The following ZDHHC17 variants were observed in gnomAD, a reference collection of about 807,000 sequenced individuals.
ZDHHC17 encodes palmitoyltransferase ZDHHC17.
Under a neutral mutation model 90.3 loss-of-function variants are expected in ZDHHC17, and 40 were observed. The observed-to-expected ratio is 0.44, with a 90% CI of 0.34 to 0.58. The LOEUF (loss-of-function observed/expected upper bound fraction) is 0.58, where lower values mean the gene tolerates loss of function less well. Among genes scored for constraint, ZDHHC17 ranks in the 20% least tolerant of loss-of-function variants. ZDHHC17 has a pLI of 0.01. For missense variants in ZDHHC17, 614 were observed against 780.8 expected, an observed-to-expected ratio of 0.79 and a Z score of 2.55; for synonymous variants, 235 against 252.4, an observed-to-expected ratio of 0.93 and a Z score of 0.65.
chr12:76,774,085 C>CA (rs1182454913), intron 1 of ZDHHC17, among the ~76,000 whole-genome samples: 2 of 151,634 alleles, frequency 1.3e-5, no homozygotes, highest in South Asian at 2.1e-4. Context: ...CCTGTCTCTA[C>CA]AAAAAAATAA....
At chr12:76,842,802 AACTC>A (rs1953451471) in intron 11 of ZDHHC17, 113 bp from the exon 12 acceptor site, 2 of 699,394 alleles carry the variant, frequency 2.9e-6, no homozygotes, top group Admixed American at 6.1e-5. Flanking sequence ...TCTCTTTTTG[AACTC>A]AAAACATCAG....
chr12:76,780,836 G>A (rs1031353241), intron 1 of ZDHHC17, among the ~76,000 whole-genome samples: 1 of 152,032 alleles, frequency 6.6e-6, no homozygotes, highest in African/African-American at 2.4e-5. Context: ...TAAGAAGTCC[G>A]ATAGGCCGGG....
chr12:76,815,684 A>G (rs1953078462), intron 6 of ZDHHC17, among the ~76,000 whole-genome samples, 173 bp from the exon 7 acceptor site: 1 of 151,950 alleles, frequency 6.6e-6, no homozygotes, highest in African/African-American at 2.4e-5. Flanking sequence ...TACATACTTA[A>G]TACTTCATAT....
Position 76,809,128 on chromosome 12 carries a change from T to C in ZDHHC17, c.398+8T>C, listed in dbSNP as rs771043641. The C allele has an allele frequency of 6.5e-7, 1 of 1,527,014 alleles. No individual in the cohort carries two copies. Among genetic ancestry groups the C allele is most frequent in the East Asian group, 2.4e-5 (1 of 40,854 alleles). The allele number at this position is 1,527,014 out of a possible 1,614,324, so 94.6% of individuals were successfully genotyped here. A position where few individuals can be genotyped will look rare whatever the true frequency, so the allele number is the denominator to read the frequency against. ...ATTGCACTGGGCCACAAGGTTTAAA[T>C]TTGCTTCTGGATTTTTTTCCTTTGG... On this transcript the variant is annotated splice_region_variant and intron_variant, in intron 4 of 16. Transcript: ENST00000426126.
At chr12:76,825,820 G>A (rs961038419) in intron 8 of ZDHHC17, among the ~76,000 whole-genome samples, 1 of 152,088 alleles carries the variant, frequency 6.6e-6, no homozygotes, top group Non-Finnish European at 1.5e-5. Flanking sequence ...TTAGACCACA[G>A]CTGGGGTTTT....
chr12:76,792,258 A>G (rs1214768164), intron 1 of ZDHHC17, among the ~76,000 whole-genome samples: 2 of 152,234 alleles, frequency 1.3e-5, no homozygotes, highest in African/African-American at 4.8e-5. Context: ...CCTATCACTC[A>G]GAAATTTTAA....
chr12:76,772,759 A>G (rs1363551419), intron 1 of ZDHHC17, among the ~76,000 whole-genome samples: 2 of 142,892 alleles, frequency 1.4e-5, no homozygotes, highest in African/African-American at 5.3e-5. Flanking sequence ...GTTACCCAGG[A>G]TGGTCTCAAT....
chr12:76,775,160 C>T (rs939330486), intron 1 of ZDHHC17, among the ~76,000 whole-genome samples: 18 of 152,284 alleles, frequency 1.2e-4, no homozygotes, highest in Non-Finnish European at 1.2e-4. Context: ...CTGCTGCCCC[C>T]ATTTCATTAG....
chr12:76,819,578 T>C (rs1953134865), intron 7 of ZDHHC17, among the ~76,000 whole-genome samples: 1 of 152,260 alleles, frequency 6.6e-6, no homozygotes, highest in African/African-American at 2.4e-5. Context: ...TATGATTAAG[T>C]GTCTTAGAAA....
At chr12:76,827,388 T>C (rs1953242803) in intron 9 of ZDHHC17, among the ~76,000 whole-genome samples, 1 of 152,172 alleles carries the variant, frequency 6.6e-6, no homozygotes, top group Non-Finnish European at 1.5e-5. Context: ...CTCGCCTTTC[T>C]ATAGGAATTA....
At chr12:76,788,275 A>G (rs1952715219) in intron 1 of ZDHHC17, among the ~76,000 whole-genome samples, 1 of 152,202 alleles carries the variant, frequency 6.6e-6, no homozygotes, top group Non-Finnish European at 1.5e-5. Flanking sequence ...TTCATATTCC[A>G]TTGGTTAAGA....
At chr12:76,764,399 G>T in intron 1 of ZDHHC17, 70 bp downstream of exon 1, 1 of 1,449,976 alleles carries the variant, frequency 6.9e-7, no homozygotes. Context: ...ACTCGCCGAG[G>T]GCGGCGGCCG....
chr12:76,783,220 G>A (rs1021721711), intron 1 of ZDHHC17, among the ~76,000 whole-genome samples: 2 of 152,210 alleles, frequency 1.3e-5, no homozygotes, highest in African/African-American at 4.8e-5. Context: ...CAAAACTCCA[G>A]TCATGTGTAT....
chr12:76,788,688 A>ATATTTTTTTTTTTTTTTT (rs61663401), intron 1 of ZDHHC17, among the ~76,000 whole-genome samples: 1,265 of 98,556 alleles, frequency 0.013, 295 homozygotes, highest in Admixed American at 0.022. Context: ...TGGAATCGCA[A>ATATTTTTTTTTTTTTTTT]TTTTTTTTTT....
chr12:76,804,380 A>G (rs1181101252), intron 2 of ZDHHC17, among the ~76,000 whole-genome samples: 2 of 152,264 alleles, frequency 1.3e-5, no homozygotes, highest in Non-Finnish European at 2.9e-5. Context: ...TGACTTCTAG[A>G]GTGATTCAAG....
At chr12:76,764,430 C>T (rs911715989) in intron 1 of ZDHHC17, 101 bp downstream of exon 1, 64 of 1,153,020 alleles carry the variant, frequency 5.6e-5, no homozygotes, top group Non-Finnish European at 7.5e-5. Flanking sequence ...GGTAGTGGGA[C>T]GTGCCGAAGT....
intron 7 of ZDHHC17, among the ~76,000 whole-genome samples, chr12:76,817,441 AT>A (rs1395355419): frequency 3.0e-5 from 4 of 134,010 alleles, no homozygotes; most frequent in African/African-American, 8.3e-5. Flanking sequence ...AACAGGATTA[AT>A]TTTAGTTTGG....
intron 1 of ZDHHC17, among the ~76,000 whole-genome samples, chr12:76,776,250 T>A (rs1330640297): frequency 6.6e-6 from 1 of 152,156 alleles, no homozygotes; most frequent in African/African-American, 2.4e-5. Flanking sequence ...ATTTTAAAGG[T>A]ATCAGAAATT....
At chr12:76,781,327 A>G (rs1952623514) in intron 1 of ZDHHC17, among the ~76,000 whole-genome samples, 2 of 152,170 alleles carry the variant, frequency 1.3e-5, no homozygotes, top group South Asian at 4.1e-4. Flanking sequence ...TGTTCATTGC[A>G]GTATGGTTTG....
Sources: gnomAD v4.1 joint callset for allele counts (sites outside exome capture counted in the v4.1 genomes callset) on GRCh38, gnomAD v4.1.1 for gene constraint, MANE v1.5 for transcripts, NCBI Gene and HGNC (gene_info 2026-07-23, HGNC 2026-07-21) for gene names.